The following RPTOR variants were observed in gnomAD, a reference collection of about 807,000 sequenced individuals.
The protein encoded by RPTOR is regulatory-associated protein of mTOR.
RPTOR carries 21 observed loss-of-function variants against 169.9 expected under a neutral mutation model. The observed-to-expected ratio is 0.12, with a 90% CI of 0.09 to 0.18. RPTOR has a LOEUF of 0.18. RPTOR is among the 10% of genes least tolerant of loss of function. RPTOR has a pLI of 1.00. For missense variants in RPTOR, 1,133 were observed against 1,855.9 expected (o/e 0.61, Z 7.16); for synonymous variants, 732 against 753.2 (o/e 0.97, Z 0.46).
Position 80,660,623 on chromosome 17 carries a change from C to T in RPTOR, c.348+16813C>T, listed in dbSNP as rs549390382. ...CCATGATCACTCCCTGCCCCGTTTC[C>T]CATTTTCTTTATATTCTACCCTTTT... On this transcript the variant is annotated intron_variant, in intron 3 of 33. Transcript: ENST00000306801. Among the ~76,000 whole-genome samples, 6 of 152,286 alleles carry T rather than the reference C, an allele frequency of 3.9e-5. No individual in the cohort carries two copies. The South Asian group carries it at 8.3e-4, about 21-fold the overall frequency.
At chr17:80,739,389 G>A (rs1188752001) in intron 5 of RPTOR, among the ~76,000 whole-genome samples, 2 of 152,134 alleles carry the variant, frequency 1.3e-5, no homozygotes, top group Non-Finnish European at 2.9e-5. Flanking sequence ...CAGAAGGCAA[G>A]GGCAGGAAAC....
Position 80,961,410 on chromosome 17 carries a change from C to A in RPTOR, c.3622C>A (p.Arg1208=), listed in dbSNP as rs1034257924. 6.5e-7 allele frequency: 1 copy of A among 1,549,986 alleles called. No homozygotes were observed. The highest frequency in any genetic ancestry group is 1.2e-5 in the South Asian group (1 of 84,124). The change falls in exon 31 of 34, where the codon CGG becomes AGG. Residue 1208 remains arginine (R), a synonymous_variant. Transcript: ENST00000306801. ...CCCCTACAGCCGCGTCATGACGTACCGGGAGCACACAGCCTGGGTGGTGAA... is the reference window on the plus strand; with the variant it reads ...CCCCTACAGCCGCGTCATGACGTACAGGGAGCACACAGCCTGGGTGGTGAA... ...ALSECRVMTY[R]EHTAWVVKAS...
intron 24 of RPTOR, among the ~76,000 whole-genome samples, chr17:80,929,999 C>G (rs995057393): frequency 6.8e-6 from 1 of 147,940 alleles, no homozygotes; most frequent in Non-Finnish European, 1.5e-5. Flanking sequence ...TTGGCTCATC[C>G]TCGGCTCATC....
At position 80,730,721 on chromosome 17, in the gene RPTOR, G is replaced by C. The variant is rs762066719; in HGVS notation, c.654+15G>C. On this transcript the variant is annotated intron_variant, in intron 5 of 33. Transcript: ENST00000306801. This position sits in a 1 kb window ranked among gnomAD's most constrained non-coding sequence, Gnocchi z 4.2. ...AGGAGCTGGAGGTGAGCGCTCTGGT[G>C]CTTGGAGAGCGGTGCTGGGTTTGGT... The C allele has an allele frequency of 1.3e-6, 2 of 1,501,252 alleles. No homozygotes were observed. Among genetic ancestry groups the C allele is most frequent in the East Asian group, 5.5e-5 (2 of 36,496 alleles). 93.0% of individuals were successfully genotyped at this position (1,501,252 alleles called of 1,614,324 possible).
chr17:80,757,203 C>G (rs541814180), intron 6 of RPTOR, among the ~76,000 whole-genome samples: 4 of 152,100 alleles, frequency 2.6e-5, no homozygotes, highest in African/African-American at 9.7e-5. Flanking sequence ...GCTGAAAATA[C>G]CTGAAGATCT....
intron 20 of RPTOR, among the ~76,000 whole-genome samples, chr17:80,908,343 C>G (rs2068570349): frequency 6.6e-6 from 1 of 152,152 alleles, no homozygotes. Flanking sequence ...TGGAGGTGGA[C>G]AGGAAGCACG....
rs551172347 is a variant in RPTOR, at chr17:80,953,808, G to C, written c.3371-3816G>C. On this transcript the variant is annotated intron_variant, in intron 28 of 33. Transcript: ENST00000306801. ...CTGGGCTCTTCTGGGCAGAAACGGG[G>C]AAGTATGTGCCCTCCCGCCCGGTTG... is the stretch of plus-strand genomic sequence containing the variant. Among the ~76,000 whole-genome samples, 125 of 152,324 alleles carry C rather than the reference G, an allele frequency of 8.2e-4. 1 individual carries two copies. Among genetic ancestry groups the C allele is most frequent in the South Asian group, 2.1e-3 (10 of 4,830 alleles).
chr17:80,879,708 C>T (rs753384782), intron 13 of RPTOR, among the ~76,000 whole-genome samples: 8 of 152,198 alleles, frequency 5.3e-5, no homozygotes. Flanking sequence ...GAGCCATGGC[C>T]GTGTGGCTGT....
intron 3 of RPTOR, among the ~76,000 whole-genome samples, chr17:80,657,639 G>A (rs367912865): frequency 1.2e-4 from 18 of 152,140 alleles, no homozygotes; most frequent in East Asian, 9.6e-4. Flanking sequence ...TGGTTCTGTC[G>A]AGTGGCCACT....
At chr17:80,903,581 G>A (rs370298807) in intron 20 of RPTOR, among the ~76,000 whole-genome samples, 49 of 152,282 alleles carry the variant, frequency 3.2e-4, no homozygotes, top group Non-Finnish European at 4.7e-4. Context: ...ACGGGGTTTC[G>A]CTGTGTTGCC....
intron 1 of RPTOR, among the ~76,000 whole-genome samples, chr17:80,559,275 C>T (rs985123116): frequency 6.6e-6 from 1 of 152,216 alleles, no homozygotes; most frequent in African/African-American, 2.4e-5. Context: ...GAGCACACGA[C>T]GGTGCTTTGT....
intron 2 of RPTOR, among the ~76,000 whole-genome samples, chr17:80,636,166 G>A (rs940524967): frequency 2.0e-5 from 3 of 152,026 alleles, no homozygotes; most frequent in Non-Finnish European, 4.4e-5. Context: ...TAGTGATGCC[G>A]TGTACCTCAT....
At chr17:80,546,091 A>G (rs989748266) in intron 1 of RPTOR, among the ~76,000 whole-genome samples, 4 of 152,246 alleles carry the variant, frequency 2.6e-5, no homozygotes, top group Admixed American at 6.5e-5. Flanking sequence ...GCTCTTTGGC[A>G]TACTACTTAG....
chr17:80,635,005 C>T (rs537756961), intron 2 of RPTOR, among the ~76,000 whole-genome samples: 3 of 152,312 alleles, frequency 2.0e-5, no homozygotes, highest in African/African-American at 7.2e-5. Flanking sequence ...TCTACATGTA[C>T]ATTCATGCCT....
At chr17:80,853,552 C>T (rs1012789985) in intron 11 of RPTOR, among the ~76,000 whole-genome samples, 6 of 152,188 alleles carry the variant, frequency 3.9e-5, no homozygotes, top group Non-Finnish European at 8.8e-5. Flanking sequence ...CAGCGCAGCA[C>T]CTGCCCCATA....
At chr17:80,634,481 G>T (rs1412759696) in intron 2 of RPTOR, among the ~76,000 whole-genome samples, 2 of 125,360 alleles carry the variant, frequency 1.6e-5, no homozygotes, top group Non-Finnish European at 3.1e-5. Context: ...TGTGCATACT[G>T]TGTGTGCATA....
At chr17:80,842,072 C>A (rs1010015019) in intron 10 of RPTOR, among the ~76,000 whole-genome samples, 2 of 152,216 alleles carry the variant, frequency 1.3e-5, no homozygotes, top group Non-Finnish European at 2.9e-5. Context: ...CGCTGCAGCT[C>A]ACATTCATTG....
intron 6 of RPTOR, among the ~76,000 whole-genome samples, chr17:80,756,661 T>G (rs2066683670): frequency 6.6e-6 from 1 of 152,106 alleles, no homozygotes; most frequent in South Asian, 2.1e-4. Context: ...CAGTTTAGCT[T>G]CATGTTGCTG....
intron 13 of RPTOR, among the ~76,000 whole-genome samples, chr17:80,874,944 T>C (rs1463900678): frequency 1.3e-5 from 2 of 152,212 alleles, no homozygotes; most frequent in African/African-American, 2.4e-5. Context: ...TCTCTGTGAT[T>C]GTCTCTGTGT....
Sources: gnomAD v4.1 joint callset for allele counts (sites outside exome capture counted in the v4.1 genomes callset) on GRCh38, gnomAD v4.1.1 for gene constraint, Gnocchi (gnomAD v3.1) non-coding constraint, MANE v1.5 for transcripts, NCBI Gene and HGNC (gene_info 2026-07-23, HGNC 2026-07-21) for gene names.